The following SORCS1 variants were observed in gnomAD, a reference collection of about 807,000 sequenced individuals.
SORCS1 encodes the protein VPS10 domain-containing receptor SorCS1.
In SORCS1, 60 loss-of-function variants were observed where a neutral mutation model predicts 146.1. The ratio of observed to expected loss-of-function variants is 0.41; its 90% CI spans 0.33 to 0.51. The LOEUF (loss-of-function observed/expected upper bound fraction) is 0.51, where lower values mean the gene tolerates loss of function less well. Ranked by LOEUF, SORCS1 falls within the 20% of genes least tolerant of loss-of-function variation. The pLI, the probability that SORCS1 is intolerant of heterozygous loss-of-function variation, is 0.21. For synonymous variants in SORCS1, 637 were observed against 584.0 expected (o/e 1.09, Z -1.31); for missense variants, 1,352 against 1,487.6 (o/e 0.91, Z 1.50).
chr10:107,034,784 C>T (rs924842687), intron 1 of SORCS1, among the ~76,000 whole-genome samples: 8 of 150,796 alleles, frequency 5.3e-5, no homozygotes, highest in South Asian at 2.1e-4. Flanking sequence ...TCTCTCCCAG[C>T]AGGATGAATT....
At chr10:107,076,730 G>A (rs1027318751) in intron 1 of SORCS1, among the ~76,000 whole-genome samples, 2 of 152,070 alleles carry the variant, frequency 1.3e-5, no homozygotes, top group Admixed American at 6.6e-5. Context: ...TCCCATTGAG[G>A]TGAACATCAT....
intron 18 of SORCS1, among the ~76,000 whole-genome samples, chr10:106,630,330 T>A (rs1589518409): frequency 6.6e-6 from 1 of 152,286 alleles, no homozygotes; most frequent in East Asian, 1.9e-4. Context: ...CTTCACAGAT[T>A]CTTAGTCTAG....
At chr10:107,117,790 CATA>C (rs758516270) in intron 1 of SORCS1, among the ~76,000 whole-genome samples, 3 of 152,124 alleles carry the variant, frequency 2.0e-5, no homozygotes, top group Admixed American at 1.3e-4. Flanking sequence ...TTTGGAAGCA[CATA>C]ATATGTTTTG....
At chr10:106,758,255 T>C (rs940001247) in intron 5 of SORCS1, among the ~76,000 whole-genome samples, 2 of 152,162 alleles carry the variant, frequency 1.3e-5, no homozygotes, top group Admixed American at 1.3e-4. Context: ...TCTGTTCAGG[T>C]TATAATAATG....
At chr10:107,035,118 C>G (rs897623809) in intron 1 of SORCS1, among the ~76,000 whole-genome samples, 3 of 149,948 alleles carry the variant, frequency 2.0e-5, no homozygotes, top group Non-Finnish European at 4.4e-5. Context: ...TTTTTTAATC[C>G]CAAGAAATTT....
intron 2 of SORCS1, among the ~76,000 whole-genome samples, chr10:106,919,330 C>T (rs9630080): frequency 0.054 from 8,283 of 152,258 alleles, 247 homozygotes; most frequent in African/African-American, 0.079. Context: ...TTTCCCCCTT[C>T]AGATCCCAGT....
rs118117993 is a variant in SORCS1 at position 106,683,170 on chromosome 10, C to A, written c.1561-3436G>T. Among the ~76,000 whole-genome samples the A allele has an allele frequency of 2.0e-3, 308 of 152,296 alleles. 9 individuals carry two copies. The East Asian group carries it at 0.047, about 23-fold the overall frequency. ...AAGTGGACCTCTAGTTACTAGTTAC[C>A]TTTCTTTGCCTGATTCTTTTAACCA... On this transcript the variant is annotated intron_variant, in intron 10 of 25. Coordinates refer to ENST00000263054, the MANE Select transcript of SORCS1 (RefSeq NM_052918.5).
At chr10:106,907,619 T>G (rs1016774070) in intron 2 of SORCS1, among the ~76,000 whole-genome samples, 10 of 152,136 alleles carry the variant, frequency 6.6e-5, no homozygotes, top group Non-Finnish European at 4.4e-5. Flanking sequence ...TGAGTATCCA[T>G]GAATAATGTT....
At chr10:106,986,573 AC>A (rs1403654694) in intron 1 of SORCS1, among the ~76,000 whole-genome samples, 1 of 150,464 alleles carries the variant, frequency 6.6e-6, no homozygotes, top group Admixed American at 6.6e-5. Context: ...ACTTTTTTAT[AC>A]CCCATCTCTC....
chr10:107,116,406 C>T (rs570224542), intron 1 of SORCS1, among the ~76,000 whole-genome samples: 5 of 152,106 alleles, frequency 3.3e-5, no homozygotes, highest in African/African-American at 9.6e-5. Flanking sequence ...ATTATATATA[C>T]ACACACATAC....
chr10:107,092,883 G>GAAAAAAAAAAAAAAAA (rs34184443), intron 1 of SORCS1, among the ~76,000 whole-genome samples: 1 of 61,502 alleles, frequency 1.6e-5, no homozygotes, highest in Non-Finnish European at 3.0e-5. Context: ...AGAAGACCAT[G>GAAAAAAAAAAAAAAAA]AAAAAAAAAA....
intron 1 of SORCS1, among the ~76,000 whole-genome samples, chr10:106,976,105 G>A (rs1323941594): frequency 9.8e-5 from 14 of 142,304 alleles, no homozygotes; most frequent in African/African-American, 2.9e-4. Flanking sequence ...GAGATCATGC[G>A]ATAGTACTCC....
In SORCS1 at chr10:106,974,720, T is replaced by C. The variant is rs182694779; in HGVS notation, c.559-18140A>G. ...GCAGCAGAACTACAGTAGGAGAAAC[T>C]GGCTCAGGTCAAAAGAAAGAAGGAC... is the stretch of plus-strand genomic sequence containing the variant. On this transcript the variant is annotated intron_variant, in intron 1 of 25. Transcript: ENST00000263054. Among the ~76,000 whole-genome samples the C allele has an allele frequency of 3.3e-5, 5 of 152,298 alleles. No homozygotes were observed. The East Asian group carries it at 9.6e-4, about 29-fold the overall frequency.
intron 1 of SORCS1, among the ~76,000 whole-genome samples, chr10:107,116,723 G>A (rs581648): frequency 0.11 from 16,469 of 152,096 alleles, 1,879 homozygotes; most frequent in East Asian, 0.35. Context: ...CAGGGATCAA[G>A]TCTATGGCAA....
At position 106,575,911 on chromosome 10, in the gene SORCS1, G is replaced by A. The variant is rs1323558536; in HGVS notation, c.*1509C>T. 2.6e-5 allele frequency: 4 copies of A among 152,588 alleles called. No homozygotes were observed. The highest frequency in any genetic ancestry group is 2.1e-4 in the South Asian group (1 of 4,832). The allele number at this position is 152,588 out of a possible 1,614,324, so 9.5% of individuals were successfully genotyped here. On this transcript the variant is annotated 3_prime_UTR_variant, in exon 26 of 26. Coordinates refer to ENST00000263054, the MANE Select transcript of SORCS1 (RefSeq NM_052918.5). ...GTGGAAATACCAGGTAACAGCAACC[G>A]TCACAGGAGGAAATTGCCCTGCGAA...
rs145553718 is a variant in SORCS1, at chr10:106,961,713, G to A, written c.559-5133C>T. On this transcript the variant is annotated intron_variant, in intron 1 of 25. Transcript: ENST00000263054. ...TCCTTAGCGTAAGACACTCCCACCA[G>A]TGCCATGACAGTTGAGAAGTTCCAT... Among the ~76,000 whole-genome samples the A allele has an allele frequency of 3.9e-5, 6 of 152,252 alleles. No homozygotes were observed. In the East Asian group the frequency reaches 1.2e-3, roughly 29 times the overall value.
chr10:107,072,328 G>A (rs747546138), intron 1 of SORCS1, among the ~76,000 whole-genome samples: 4 of 152,112 alleles, frequency 2.6e-5, no homozygotes, highest in South Asian at 4.1e-4. Context: ...TAACTGGCAC[G>A]CAAATTATCT....
chr10:106,634,094 G>C (rs1432806101), intron 18 of SORCS1, among the ~76,000 whole-genome samples: 1 of 152,186 alleles, frequency 6.6e-6, no homozygotes, highest in African/African-American at 2.4e-5. Context: ...TATTAATAAG[G>C]CTGGGAATGG....
chr10:107,001,963 T>C (rs1282134551), intron 1 of SORCS1, among the ~76,000 whole-genome samples: 45 of 152,222 alleles, frequency 3.0e-4, no homozygotes, highest in Non-Finnish European at 8.8e-5. Context: ...ATATTTTCCT[T>C]TCCTTTGGGT....
Sources: allele counts gnomAD v4.1 joint callset (sites outside exome capture counted in the v4.1 genomes callset), GRCh38; gene constraint gnomAD v4.1.1; transcripts MANE v1.5; gene names NCBI Gene and HGNC (gene_info 2026-07-23, HGNC 2026-07-21).